Variants in NPSR1 observed in about 807,000 individuals in gnomAD.
The protein encoded by NPSR1 is neuropeptide S receptor.
In NPSR1, 48 loss-of-function variants were observed where a neutral mutation model predicts 46.9. The observed-to-expected ratio is 1.02, with a 90% CI of 0.81 to 1.30. NPSR1 has a LOEUF of 1.30. Among genes scored for constraint, NPSR1 ranks in the 50% most tolerant of loss-of-function variants. The probability of loss-of-function intolerance (pLI) is 0.00; values close to 1 mark genes in which losing one functional copy is unlikely to be tolerated. For synonymous variants in NPSR1, 176 were observed against 168.1 expected (o/e 1.05, Z -0.36); for missense variants, 450 against 449.5 (o/e 1.00, Z -0.01).
intron 2 of NPSR1, among the ~76,000 whole-genome samples, chr7:34,763,897 T>C (rs1371726822): frequency 6.6e-6 from 1 of 152,234 alleles, no homozygotes; most frequent in Non-Finnish European, 1.5e-5. Flanking sequence ...TTTATATGCT[T>C]TCCCTTTAGA....
At chr7:34,677,788 A>G (rs1168038775) in intron 1 of NPSR1, among the ~76,000 whole-genome samples, 3 of 152,198 alleles carry the variant, frequency 2.0e-5, no homozygotes, top group Non-Finnish European at 4.4e-5. Context: ...CCAGTGAGCA[A>G]ATTTCTGTGG....
Position 34,684,614 on chromosome 7 carries a change from G to A in NPSR1, c.210G>A (p.Val70=). 3 of 1,613,674 alleles carry A rather than the reference G, an allele frequency of 1.9e-6. No individual in the cohort carries two copies. Among genetic ancestry groups the A allele is most frequent in the Non-Finnish European group, 2.5e-6 (3 of 1,179,768 alleles). The change falls in exon 2 of 9, where the codon GTG becomes GTA. Residue 70 remains valine (V), a synonymous_variant. Transcript: ENST00000360581. ...TTACCATTGTTGGAAACTCCGTTGT[G>A]CTTTTTTCCACATGGAGGAGAAAGA... The part of the protein sequence containing the change: ...FVFTIVGNSV[V]LFSTWRRKKK...
At chr7:34,725,704 G>A (rs573763457) in intron 2 of NPSR1, among the ~76,000 whole-genome samples, 1 of 152,330 alleles carries the variant, frequency 6.6e-6, no homozygotes, top group Admixed American at 6.5e-5. Flanking sequence ...AAGAGAATGA[G>A]AAGACAAGCC....
intron 4 of NPSR1, among the ~76,000 whole-genome samples, chr7:34,819,700 A>G (rs1789456107): frequency 1.3e-5 from 2 of 152,258 alleles, no homozygotes; most frequent in South Asian, 4.1e-4. Flanking sequence ...GACTGGATTA[A>G]GAAAATATGG....
chr7:34,778,420 A>T, intron 2 of NPSR1, 42 bp from the exon 3 acceptor site: 1 of 1,168,680 alleles, frequency 8.6e-7, no homozygotes, highest in Non-Finnish European at 1.2e-6. Context: ...AAATAAAAAT[A>T]AAAATAAACC....
At chr7:34,822,274 A>T (rs1789595489) in intron 4 of NPSR1, among the ~76,000 whole-genome samples, 1 of 152,198 alleles carries the variant, frequency 6.6e-6, no homozygotes, top group Non-Finnish European at 1.5e-5. Flanking sequence ...TATGCGGCTC[A>T]GCTGAGAGAA....
chr7:34,751,485 C>T (rs1785523733), intron 2 of NPSR1: 6 of 1,275,596 alleles, frequency 4.7e-6, no homozygotes, highest in South Asian at 1.2e-5. Context: ...GTTCTGCCTC[C>T]GTGTCATCTG....
In NPSR1 at chr7:34,844,992, G is replaced by T. The variant is rs1790694648; in HGVS notation, c.844+10G>T. Reference sequence around the variant, plus strand: ...ATCATCATCATTCTTGGTAAGCAATGTCCCTCCTTGAGCTGTAAAGTGGTA... The same window carrying T: ...ATCATCATCATTCTTGGTAAGCAATTTCCCTCCTTGAGCTGTAAAGTGGTA... On this transcript the variant is annotated intron_variant, in intron 7 of 8. Coordinates refer to ENST00000360581, the MANE Select transcript of NPSR1 (RefSeq NM_207172.2). 1 of 1,595,264 alleles carries T rather than the reference G, an allele frequency of 6.3e-7. No individual in the cohort carries two copies. The highest frequency in any genetic ancestry group is 1.3e-5 in the African/African-American group (1 of 74,502).
intron 1 of NPSR1, among the ~76,000 whole-genome samples, chr7:34,681,761 C>G (rs1792650405): frequency 6.6e-6 from 1 of 152,090 alleles, no homozygotes; most frequent in Admixed American, 6.6e-5. Flanking sequence ...TCTCCAGGGA[C>G]CCCATATCAC....
chr7:34,718,294 C>A (rs528480988), intron 2 of NPSR1, among the ~76,000 whole-genome samples: 3 of 152,160 alleles, frequency 2.0e-5, no homozygotes, highest in Non-Finnish European at 4.4e-5. Flanking sequence ...CAAATCTCTT[C>A]GATGCTTGTT....
chr7:34,775,721 A>T (rs1245082204), intron 2 of NPSR1, among the ~76,000 whole-genome samples: 1 of 151,856 alleles, frequency 6.6e-6, no homozygotes, highest in African/African-American at 2.4e-5. Context: ...TCTTCATCTC[A>T]ATTTCATTTA....
rs376640561 is a variant in NPSR1, at chr7:34,811,779, C to T, written c.394C>T (p.Leu132Phe). The change falls in exon 4 of 9, where the codon CTC becomes TTC. Residue 132 changes from leucine to phenylalanine, a missense_variant. Physicochemically the swap from Leu to Phe is conservative, Grantham distance 22 (BLOSUM62 0). Coordinates refer to ENST00000360581, the MANE Select transcript of NPSR1 (RefSeq NM_207172.2). ...RVVRYLQVVL[L>F]YASTYVLVSL... ...TCATTTCTGTCTTTAGGTTGTGCTG[C>T]TCTACGCCTCTACCTACGTCCTGGT... 4 of 1,610,830 alleles carry T rather than the reference C, an allele frequency of 2.5e-6. No individual in the cohort carries two copies. The highest frequency in any genetic ancestry group is 1.1e-5 in the South Asian group (1 of 90,868).
intron 1 of NPSR1, among the ~76,000 whole-genome samples, chr7:34,676,029 G>T (rs1053552243): frequency 2.0e-5 from 3 of 152,132 alleles, no homozygotes; most frequent in African/African-American, 7.2e-5. Flanking sequence ...GTGGTGGGGG[G>T]TGGGTAGGGA....
intron 2 of NPSR1, among the ~76,000 whole-genome samples, chr7:34,726,082 C>T (rs895838721): frequency 1.3e-5 from 2 of 152,152 alleles, no homozygotes; most frequent in Non-Finnish European, 2.9e-5. Context: ...TACCCAGGCT[C>T]AGGTACGTCT....
At chr7:34,719,006 GTGTT>G (rs1783712475) in intron 2 of NPSR1, 1 of 152,312 alleles carries the variant, frequency 6.6e-6, no homozygotes, top group Admixed American at 6.5e-5. Flanking sequence ...ATTTGAAGCT[GTGTT>G]TGTTTGATCT....
chr7:34,694,742 G>C (rs1488708336), intron 2 of NPSR1, among the ~76,000 whole-genome samples: 1 of 152,038 alleles, frequency 6.6e-6, no homozygotes, highest in Non-Finnish European at 1.5e-5. Flanking sequence ...ATGGAGTCTC[G>C]CTCTGTCACC....
At chr7:34,850,546 G>GCAC (rs1790904362), downstream of NPSR1, among the ~76,000 whole-genome samples, 1 of 152,078 alleles carries the variant, frequency 6.6e-6, no homozygotes. Flanking sequence ...GACCACAGGT[G>GCAC]CCCGCCACCA....
At chr7:34,669,464 G>A (rs1791927596) in intron 1 of NPSR1, among the ~76,000 whole-genome samples, 1 of 152,020 alleles carries the variant, frequency 6.6e-6, no homozygotes, top group African/African-American at 2.4e-5. Flanking sequence ...TCAGGAGGCT[G>A]AGGCTGAGGC....
intron 2 of NPSR1, among the ~76,000 whole-genome samples, chr7:34,774,874 T>C (rs1040125503): frequency 1.3e-5 from 2 of 152,200 alleles, no homozygotes; most frequent in East Asian, 1.9e-4. Flanking sequence ...AGATGTGGAA[T>C]GTGTTGCCTC....
Sources: gnomAD v4.1 joint callset for allele counts (sites outside exome capture counted in the v4.1 genomes callset) on GRCh38, gnomAD v4.1.1 for gene constraint, MANE v1.5 for transcripts, NCBI Gene and HGNC (gene_info 2026-07-23, HGNC 2026-07-21) for gene names.